The following TP53BP2 variants were observed in gnomAD, a reference collection of about 807,000 sequenced individuals.
TP53BP2 encodes the protein tumor protein p53 binding protein 2, also known as apoptosis-stimulating of p53 protein 2.
In TP53BP2, 62 loss-of-function variants were observed where a neutral mutation model predicts 126.2. The observed-to-expected ratio is 0.49, with a 90% confidence interval of 0.40 to 0.61. TP53BP2 has a LOEUF of 0.61. Among genes scored for constraint, TP53BP2 ranks in the 20% least tolerant of loss-of-function variants. TP53BP2 has a pLI of 0.00. For missense variants in TP53BP2, 1,215 were observed against 1,402.8 expected (o/e 0.87, Z 2.14); for synonymous variants, 485 against 502.9 (o/e 0.96, Z 0.48).
At chr1:223,841,106 G>A (rs1664086775) in intron 1 of TP53BP2, among the ~76,000 whole-genome samples, 2 of 152,094 alleles carry the variant, frequency 1.3e-5, no homozygotes, top group African/African-American at 4.8e-5. Flanking sequence ...ACAAAAATTA[G>A]CAGAGCGTGG....
intron 11 of TP53BP2, among the ~76,000 whole-genome samples, chr1:223,799,331 C>A (rs1041751930): frequency 6.6e-6 from 1 of 152,144 alleles, no homozygotes; most frequent in Non-Finnish European, 1.5e-5. Context: ...TAATGCAATA[C>A]AATCTCTTCC....
At chr1:223,782,397 G>A (rs563266226) in intron 17 of TP53BP2, among the ~76,000 whole-genome samples, 1 of 152,300 alleles carries the variant, frequency 6.6e-6, no homozygotes, top group Admixed American at 6.5e-5. Context: ...GTGGCTGTAG[G>A]CAAGAGACTG....
At position 223,796,501 on chromosome 1, in the gene TP53BP2, G is replaced by T. The variant is rs530806659; in HGVS notation, c.2038C>A (p.Pro680Thr). 2.5e-6 allele frequency: 4 copies of T among 1,613,962 alleles called. No individual in the cohort carries two copies. The South Asian group carries it at 4.4e-5, about 18-fold the overall frequency. ...YSNSQGKPGS[P>T]EPETEPVSSV... ...GAAACAGGCTCTGTTTCAGGTTCTG[G>T]ACTGCCAGGCTTGCCCTGGCTATTG... Residue 680 changes from proline (P) to threonine (T), a missense_variant, in exon 13 of 18, where the codon CCA becomes ACA. This residue lies in a region of TP53BP2 where 814 missense variants were observed against 853.0 expected (regional missense o/e 0.95). Transcript: ENST00000343537. This position sits in a 1 kb window ranked among gnomAD's most constrained non-coding sequence, Gnocchi z 4.2.
Position 223,831,093 on chromosome 1 carries a change from T to C in TP53BP2, c.28-9726A>G, listed in dbSNP as rs1030384131. Among the ~76,000 whole-genome samples the C allele has an allele frequency of 2.5e-4, 33 of 133,184 alleles. 1 individual carries two copies. The highest frequency in any genetic ancestry group is 2.0e-3 in the Admixed American group (28 of 13,674). The allele number at this position is 133,184 out of a possible 152,430, so 87.4% of individuals were successfully genotyped here. A position where few individuals can be genotyped will look rare whatever the true frequency, so the allele number is the denominator to read the frequency against. On this transcript the variant is annotated intron_variant, in intron 1 of 17. Coordinates refer to ENST00000343537, the MANE Select transcript of TP53BP2 (RefSeq NM_001031685.3). ...AGCCTGGGAGAGAGAGTGAGACTCT[T>C]TCTCAAAAAGCAGGCAGGGTGGCTC...
chr1:223,806,023 G>A (rs1662702843), intron 5 of TP53BP2, among the ~76,000 whole-genome samples: 1 of 152,134 alleles, frequency 6.6e-6, no homozygotes, highest in African/African-American at 2.4e-5. Flanking sequence ...GTAATGGAGT[G>A]GCTTCTTATA....
intron 1 of TP53BP2, among the ~76,000 whole-genome samples, chr1:223,831,466 TAAAAAA>T (rs1157082703): frequency 0.019 from 818 of 43,578 alleles, 9 homozygotes; most frequent in Middle Eastern, 0.056. Context: ...ATGTACCATC[TAAAAAA>T]AAAAAAAAAT....
rs1464190547 is a variant in TP53BP2, at chr1:223,817,208, G to A, written c.176-2855C>T. On this transcript the variant is annotated intron_variant, in intron 2 of 17. Transcript: ENST00000343537. The stretch of plus-strand genomic sequence containing the variant: ...ACATCAATTACTGCATGTGGAGGAG[G>A]GGGAGGGAAAGGAGGAGGGGGAGAG... Among the ~76,000 whole-genome samples, 5 of 138,000 alleles carry A rather than the reference G, an allele frequency of 3.6e-5. No individual in the cohort carries two copies. In the East Asian group the frequency reaches 6.6e-4, roughly 18 times the overall value. 90.5% of individuals were successfully genotyped at this position (138,000 alleles called of 152,430 possible).
At chr1:223,841,248 G>T (rs115039432) in intron 1 of TP53BP2, among the ~76,000 whole-genome samples, 30 of 146,910 alleles carry the variant, frequency 2.0e-4, no homozygotes, top group African/African-American at 5.0e-4. Flanking sequence ...TCCGTCTCAA[G>T]AAATAAATAA....
At chr1:223,806,986 C>T in intron 4 of TP53BP2, 39 bp from the exon 5 acceptor site, 1 of 1,478,414 alleles carries the variant, frequency 6.8e-7, no homozygotes, top group Non-Finnish European at 9.4e-7. Flanking sequence ...TCCCAGCTTA[C>T]TATAAAACTA....
Position 223,831,479 on chromosome 1 carries a change from AAATATAT to A in TP53BP2, c.28-10119_28-10113del, listed in dbSNP as rs1380468997. Reference sequence around the variant, plus strand: ...ATATGTACCATCTAAAAAAAAAAAAAAATATATATATATATATATATATATATATATA... The same window carrying A: ...ATATGTACCATCTAAAAAAAAAAAAAATATATATATATATATATATATATA... On this transcript the variant is annotated intron_variant, in intron 1 of 17. Transcript: ENST00000343537. 2.1e-3 allele frequency among the ~76,000 whole-genome samples: 97 copies of A among 46,164 alleles called. 2 individuals are homozygous for A. The highest frequency in any genetic ancestry group is 0.011 in the East Asian group (19 of 1,746). 30.3% of individuals were successfully genotyped at this position (46,164 alleles called of 152,430 possible).
intron 2 of TP53BP2, among the ~76,000 whole-genome samples, chr1:223,817,114 T>G (rs1302589844): frequency 4.0e-5 from 6 of 150,284 alleles, no homozygotes; most frequent in African/African-American, 1.5e-4. Context: ...AAGCCAAGAC[T>G]GAATCACACT....
rs542635293 is a variant in TP53BP2, at chr1:223,800,193, A to C, written c.1337-146T>G. The C allele has an allele frequency of 5.6e-5, 45 of 804,222 alleles. No homozygotes were observed. In the South Asian group the frequency reaches 1.0e-3, roughly 18 times the overall value. The allele number at this position is 804,222 out of a possible 1,614,324, so 49.8% of individuals were successfully genotyped here. ...TTTTAATTAAACTAATAAAAGGATA[A>C]CCCAAGCACTATAATGATCGTACCT... On this transcript the variant is annotated intron_variant, in intron 10 of 17. Coordinates refer to ENST00000343537, the MANE Select transcript of TP53BP2 (RefSeq NM_001031685.3).
chr1:223,782,297 T>C (rs540390083), intron 17 of TP53BP2, among the ~76,000 whole-genome samples: 42 of 152,278 alleles, frequency 2.8e-4, no homozygotes, highest in African/African-American at 3.6e-4. Context: ...AGTAAGCAAC[T>C]AGTTCTAAGG....
chr1:223,845,312 T>C, intron 1 of TP53BP2: 1 of 946,966 alleles, frequency 1.1e-6, no homozygotes, highest in Non-Finnish European at 1.3e-6. Flanking sequence ...GGTTCCCGTA[T>C]TCTTGACCTT....
At chr1:223,811,455 A>AT (rs1237204390) in intron 3 of TP53BP2, among the ~76,000 whole-genome samples, 6 of 152,156 alleles carry the variant, frequency 3.9e-5, no homozygotes, top group African/African-American at 1.4e-4. Flanking sequence ...TTCTAATATG[A>AT]TCAGCTTTTA....
At chr1:223,831,480 A>AAATATAT (rs1287271743) in intron 1 of TP53BP2, among the ~76,000 whole-genome samples, 67 of 32,422 alleles carry the variant, frequency 2.1e-3, no homozygotes, top group East Asian at 4.2e-3. Context: ...AAAAAAAAAA[A>AAATATAT]ATATATATAT....
At chr1:223,828,538 GT>G (rs1663581453) in intron 1 of TP53BP2, among the ~76,000 whole-genome samples, 1 of 152,148 alleles carries the variant, frequency 6.6e-6, no homozygotes, top group Non-Finnish European at 1.5e-5. Context: ...TGTTGAGACT[GT>G]TTTTCTTGGG....
At chr1:223,808,728 T>TA (rs78883797) in intron 4 of TP53BP2, among the ~76,000 whole-genome samples, 269 of 130,564 alleles carry the variant, frequency 2.1e-3, no homozygotes, top group East Asian at 3.5e-3. Flanking sequence ...TATGCTCCAT[T>TA]AAAAAAAAAA....
intron 1 of TP53BP2, among the ~76,000 whole-genome samples, chr1:223,824,639 T>C (rs1558106243): frequency 2.0e-5 from 3 of 152,200 alleles, no homozygotes; most frequent in African/African-American, 4.8e-5. Context: ...AACCTGCACA[T>C]CCTGCACCTG....
Sources: allele counts gnomAD v4.1 joint callset (sites outside exome capture counted in the v4.1 genomes callset), GRCh38; gene constraint gnomAD v4.1.1; regional missense constraint gnomAD v4.1.1; non-coding constraint Gnocchi (gnomAD v3.1); transcripts MANE v1.5; gene names NCBI Gene and HGNC (gene_info 2026-07-23, HGNC 2026-07-21).